The following SLC25A26 variants were observed in gnomAD, a reference collection of about 807,000 sequenced individuals.
SLC25A26 encodes the protein mitochondrial S-adenosylmethionine carrier protein.
A neutral mutation model predicts 37.8 loss-of-function variants in SLC25A26; 36 were observed. The observed-to-expected ratio is 0.95, with a 90% CI of 0.73 to 1.26. SLC25A26 has a LOEUF of 1.26. Ranked by LOEUF, SLC25A26 falls within the 50% of genes most tolerant of loss-of-function variation. SLC25A26 has a pLI of 0.00. For synonymous variants in SLC25A26, 129 were observed against 122.5 expected (o/e 1.05, Z -0.35); for missense variants, 390 against 331.1 (o/e 1.18, Z -1.38).
intron 6 of SLC25A26, among the ~76,000 whole-genome samples, chr3:66,349,002 C>A (rs2076390415): frequency 6.6e-6 from 1 of 152,220 alleles, no homozygotes; most frequent in African/African-American, 2.4e-5. Context: ...AACCAGCATT[C>A]ACACAGTTTC....
intron 6 of SLC25A26, among the ~76,000 whole-genome samples, chr3:66,356,979 A>G (rs1305793875): frequency 6.6e-6 from 1 of 152,180 alleles, no homozygotes; most frequent in South Asian, 2.1e-4. Context: ...TTATTTCAAA[A>G]TAAGTGTCAT....
intron 3 of SLC25A26, among the ~76,000 whole-genome samples, chr3:66,256,310 T>C (rs1378561504): frequency 1.3e-5 from 2 of 152,228 alleles, no homozygotes; most frequent in Non-Finnish European, 2.9e-5. Context: ...TTATTGCTAC[T>C]AAATTTATAA....
chr3:66,205,644 T>C (rs2071166755), intron 1 of SLC25A26, among the ~76,000 whole-genome samples: 1 of 152,242 alleles, frequency 6.6e-6, no homozygotes, highest in Non-Finnish European at 1.5e-5. Flanking sequence ...TTGTCACACA[T>C]GCAGTTTGAA....
chr3:66,302,447 T>G (rs2075103559), intron 5 of SLC25A26, among the ~76,000 whole-genome samples: 1 of 152,040 alleles, frequency 6.6e-6, no homozygotes, highest in Admixed American at 6.5e-5. Context: ...GCTCTCCATG[T>G]CATCAGAGTC....
At chr3:66,182,653 A>T (rs1470645844) in intron 1 of SLC25A26, among the ~76,000 whole-genome samples, 5 of 145,648 alleles carry the variant, frequency 3.4e-5, no homozygotes, top group Non-Finnish European at 7.5e-5. Context: ...TCGCTGGCAC[A>T]AGATCTAATG....
upstream of SLC25A26, among the ~76,000 whole-genome samples, chr3:66,217,693 C>T (rs1177209728): frequency 2.0e-5 from 3 of 151,952 alleles, no homozygotes; most frequent in East Asian, 1.9e-4. Flanking sequence ...GGACTCCAGG[C>T]GCGCATCACC....
At chr3:66,345,026 G>T (rs2076288091) in intron 5 of SLC25A26, among the ~76,000 whole-genome samples, 1 of 152,180 alleles carries the variant, frequency 6.6e-6, no homozygotes, top group African/African-American at 2.4e-5. Context: ...GTGAAATAAA[G>T]CTTACAAAGT....
At chr3:66,291,534 T>C (rs191977347) in intron 5 of SLC25A26, among the ~76,000 whole-genome samples, 4 of 152,334 alleles carry the variant, frequency 2.6e-5, no homozygotes, top group Middle Eastern at 3.4e-3. Flanking sequence ...AAAGAACTTA[T>C]TTATTTCTCC....
chr3:66,150,218 C>T (rs1201167314), intron 1 of SLC25A26, among the ~76,000 whole-genome samples: 1 of 151,784 alleles, frequency 6.6e-6, no homozygotes, highest in Non-Finnish European at 1.5e-5. Flanking sequence ...ATAACATAGG[C>T]CGGGCATGGT....
chr3:66,306,075 G>A (rs556250430), intron 5 of SLC25A26, among the ~76,000 whole-genome samples: 1 of 152,038 alleles, frequency 6.6e-6, no homozygotes, highest in African/African-American at 2.4e-5. Flanking sequence ...ACCTCTGCCT[G>A]CCAATTTCAA....
chr3:66,367,506 G>A (rs187781452), intron 7 of SLC25A26, among the ~76,000 whole-genome samples: 3 of 152,280 alleles, frequency 2.0e-5, no homozygotes, highest in East Asian at 3.9e-4. Flanking sequence ...GGATTTAAGC[G>A]TTGGTCTTTC....
chr3:66,186,206 A>G lies in SLC25A26; in HGVS notation c.-353-34536A>G, dbSNP rs1217380270. 5.9e-5 allele frequency among the ~76,000 whole-genome samples: 9 copies of G among 151,602 alleles called. 1 individual carries two copies. In the East Asian group the frequency reaches 1.4e-3, roughly 23 times the overall value. On this transcript the variant is annotated intron_variant, in intron 1 of 10. Coordinates refer to the SLC25A26 transcript ENST00000676754. Reference sequence around the variant, plus strand: ...CTCTATCTTGTCCCTTATCCTAAACATGACCCTCACACTGACCCTGATTTC... The same window carrying G: ...CTCTATCTTGTCCCTTATCCTAAACGTGACCCTCACACTGACCCTGATTTC...
intron 1 of SLC25A26, among the ~76,000 whole-genome samples, chr3:66,204,752 C>G (rs1044661111): frequency 1.3e-5 from 2 of 152,096 alleles, no homozygotes; most frequent in African/African-American, 4.8e-5. Context: ...AGCACTTTAC[C>G]GAGTACAATA....
intron 1 of SLC25A26, among the ~76,000 whole-genome samples, chr3:66,233,179 T>G (rs2072114393): frequency 1.3e-5 from 2 of 152,186 alleles, no homozygotes; most frequent in African/African-American, 4.8e-5. Context: ...CTCCTCCTTT[T>G]GAGAAAAAAA....
At chr3:66,147,363 A>G (rs905161650) in intron 1 of SLC25A26, among the ~76,000 whole-genome samples, 18 of 150,976 alleles carry the variant, frequency 1.2e-4, no homozygotes, top group African/African-American at 4.4e-4. Flanking sequence ...GGGTTTTACC[A>G]TGTTGGCCAG....
chr3:66,168,663 G>C (rs1015923028), intron 1 of SLC25A26, among the ~76,000 whole-genome samples: 12 of 152,168 alleles, frequency 7.9e-5, no homozygotes, highest in Admixed American at 2.6e-4. Flanking sequence ...AAGATTTACT[G>C]CTTTAAGTAA....
At chr3:66,274,481 A>C (rs1228752805) in intron 5 of SLC25A26, among the ~76,000 whole-genome samples, 1 of 152,222 alleles carries the variant, frequency 6.6e-6, no homozygotes, top group East Asian at 1.9e-4. Flanking sequence ...AAATGGGAGA[A>C]AATTGTTGCA....
chr3:66,312,184 C>T (rs2075398265), intron 5 of SLC25A26, among the ~76,000 whole-genome samples: 1 of 152,202 alleles, frequency 6.6e-6, no homozygotes, highest in Non-Finnish European at 1.5e-5. Context: ...GTCAGAGATG[C>T]CCTGCCCAGT....
At chr3:66,356,949 ACT>A (rs1293496733) in intron 6 of SLC25A26, among the ~76,000 whole-genome samples, 4 of 151,822 alleles carry the variant, frequency 2.6e-5, no homozygotes, top group African/African-American at 4.8e-5. Context: ...TATTTTTGTA[ACT>A]CTTCTGTAAA....
Sources: allele counts gnomAD v4.1 joint callset (sites outside exome capture counted in the v4.1 genomes callset), GRCh38; gene constraint gnomAD v4.1.1; transcripts MANE v1.5; gene names NCBI Gene and HGNC (gene_info 2026-07-23, HGNC 2026-07-21).